Variants in SLC5A10 observed in about 807,000 individuals in gnomAD.
The protein encoded by SLC5A10 is solute carrier family 5 member 10.
In SLC5A10, 55 loss-of-function variants were observed where a neutral mutation model predicts 68.9. That is an observed-to-expected ratio of 0.80 (90% CI 0.64 to 1.00). The LOEUF is 1.00. Ranked by LOEUF, SLC5A10 falls within the 50% of genes least tolerant of loss-of-function variation. SLC5A10 has a pLI of 0.00. For missense variants in SLC5A10, 732 were observed against 819.3 expected, an observed-to-expected ratio of 0.89 and a Z score of 1.30; for synonymous variants, 344 against 344.8, an observed-to-expected ratio of 1.00 and a Z score of 0.02.
intron 9 of SLC5A10, among the ~76,000 whole-genome samples, chr17:18,991,579 G>C (rs891377016): frequency 6.6e-6 from 1 of 152,190 alleles, no homozygotes; most frequent in African/African-American, 2.4e-5. Context: ...GGCAGGAGGC[G>C]GGTGGCCTGG....
intron 9 of SLC5A10, chr17:18,979,510 G>C: frequency 1.2e-6 from 2 of 1,608,394 alleles, no homozygotes; most frequent in East Asian, 4.5e-5. Flanking sequence ...GGAGCCAGAG[G>C]TACCTCTCGC....
intron 5 of SLC5A10, among the ~76,000 whole-genome samples, chr17:18,965,341 G>C (rs994385641): frequency 1.2e-4 from 19 of 152,144 alleles, no homozygotes; most frequent in Non-Finnish European, 2.4e-4. Context: ...CAGGGGCAGA[G>C]GACACCAAAA....
intron 9 of SLC5A10, among the ~76,000 whole-genome samples, chr17:18,982,454 C>T (rs1457314163): frequency 1.3e-5 from 2 of 152,206 alleles, no homozygotes; most frequent in East Asian, 1.9e-4. Flanking sequence ...GGGACACCCC[C>T]GGCACAGGAC....
chr17:19,012,155 A>G lies in SLC5A10; in HGVS notation c.983-1255A>G, dbSNP rs138276289. ...AGCTTTCTAGAAAGTCTTTTATGGG[A>G]GGAAAAAGAGAATGTGGGTCAACTC... On this transcript the variant is annotated intron_variant, in intron 9 of 14. Coordinates refer to ENST00000395645, the MANE Select transcript of SLC5A10 (RefSeq NM_001042450.4). Among the ~76,000 whole-genome samples, 606 of 152,200 alleles carry G rather than the reference A, an allele frequency of 4.0e-3. 6 individuals are homozygous for G. Among genetic ancestry groups the G allele is most frequent in the South Asian group, 0.022 (108 of 4,830 alleles).
At chr17:18,978,296 G>T in intron 9 of SLC5A10, 1 of 1,611,266 alleles carries the variant, frequency 6.2e-7, no homozygotes, top group Non-Finnish European at 8.5e-7. Flanking sequence ...CTGGTGCTGG[G>T]CGCTGGCCTG....
At position 18,960,649 on chromosome 17, in the gene SLC5A10, A is replaced by G. The variant is rs756115651; in HGVS notation, c.450A>G (p.Ile150Met). ...TGCTACTGTCTGTCTTCACCAAGAT[A>G]TCGGTGAGCTGCCCCCGGCTCCCTG... ...LSLLLSVFTK[I>M]SLDLYAGALF... Residue 150 changes from isoleucine (I) to methionine (M), a missense_variant, in exon 5 of 15, where the codon ATA (isoleucine) becomes ATG (methionine). By Grantham distance (10) the Ile-to-Met change is conservative. Coordinates refer to ENST00000395645, the MANE Select transcript of SLC5A10 (RefSeq NM_001042450.4). 3 of 1,613,640 alleles carry G rather than the reference A, an allele frequency of 1.9e-6. No homozygotes were observed. The highest frequency in any genetic ancestry group is 2.2e-5 in the South Asian group (2 of 91,078).
At chr17:18,957,756 G>A (rs1000869034) in intron 1 of SLC5A10, among the ~76,000 whole-genome samples, 4 of 151,908 alleles carry the variant, frequency 2.6e-5, no homozygotes, top group African/African-American at 9.7e-5. Flanking sequence ...GAGCCACCGC[G>A]CCAGCCCATT....
chr17:18,953,324 G>A (rs901282122), intron 1 of SLC5A10, among the ~76,000 whole-genome samples: 5 of 151,964 alleles, frequency 3.3e-5, no homozygotes, highest in Admixed American at 6.6e-5. Flanking sequence ...AGTAGAGACA[G>A]AGTTTTACCG....
intron 5 of SLC5A10, among the ~76,000 whole-genome samples, chr17:18,967,838 G>A (rs1212866414): frequency 1.3e-5 from 2 of 152,062 alleles, no homozygotes; most frequent in African/African-American, 2.4e-5. Context: ...CAGCACCTCT[G>A]CGCTTCTCTA....
chr17:18,971,681 G>C lies in SLC5A10; in HGVS notation c.846+463G>C. 1 of 1,609,404 alleles carries C rather than the reference G, an allele frequency of 6.2e-7. No individual in the cohort carries two copies. The highest frequency in any genetic ancestry group is 8.5e-7 in the Non-Finnish European group (1 of 1,177,034). On this transcript the variant is annotated intron_variant, in intron 8 of 14. Coordinates refer to ENST00000395645, the MANE Select transcript of SLC5A10 (RefSeq NM_001042450.4). This position sits in a 1 kb window ranked among gnomAD's most constrained non-coding sequence, Gnocchi z 5.5. ...GTCAGCAGCAGAGCGGTACCTAGGG[G>C]GTCCTGGGAAGCCGTCTTTATCCCT...
chr17:19,015,191 G>A lies in SLC5A10; in HGVS notation c.1233G>A (p.Leu411=). The stretch of plus-strand genomic sequence containing the variant: ...GCTCCGGCGAGCGGGAGCTCCTGCT[G>A]GTGGGACGGTACGGGGGTGGGGGCC... ...RPRSGERELL[L]VGRLVIVALI... The change falls in exon 11 of 15, where the codon CTG becomes CTA. Residue 411 remains leucine, a synonymous_variant. Coordinates refer to ENST00000395645, the MANE Select transcript of SLC5A10 (RefSeq NM_001042450.4). The A allele has an allele frequency of 6.5e-7, 1 of 1,545,174 alleles. No individual in the cohort carries two copies. Among genetic ancestry groups the A allele is most frequent in the Non-Finnish European group, 8.8e-7 (1 of 1,136,262 alleles).
In SLC5A10 at chr17:18,968,973, C is replaced by G; in HGVS notation, c.454-79C>G. On this transcript the variant is annotated intron_variant, in intron 5 of 14. Transcript: ENST00000395645. The surrounding 1 kb of genome is among the most constrained non-coding windows in gnomAD (Gnocchi z 4.1). ...CAGGCCACCGAGGCCCAGAGAGGGC[C>G]TTGCCCGAGGTCACCCAGGGAGTGG... 1 of 1,443,992 alleles carries G rather than the reference C, an allele frequency of 6.9e-7. No individual in the cohort carries two copies. Among genetic ancestry groups the G allele is most frequent in the Non-Finnish European group, 9.4e-7 (1 of 1,067,636 alleles). 89.4% of individuals were successfully genotyped at this position (1,443,992 alleles called of 1,614,324 possible).
At position 19,003,750 on chromosome 17, in the gene SLC5A10, C is replaced by T. The variant is rs373016339; in HGVS notation, c.983-9660C>T. On this transcript the variant is annotated intron_variant, in intron 9 of 14. Coordinates refer to ENST00000395645, the MANE Select transcript of SLC5A10 (RefSeq NM_001042450.4). The surrounding 1 kb of genome is among the most constrained non-coding windows in gnomAD (Gnocchi z 4.5). ...CCATCCGCCCCGCTGGCTTCCTCGC[C>T]GTCGCCGACCCCATTGTCCTCGGGC... 2.4e-5 allele frequency: 39 copies of T among 1,605,472 alleles called. No individual in the cohort carries two copies. The South Asian group carries it at 4.2e-4, about 17-fold the overall frequency.
At chr17:18,981,057 T>C (rs1346662934) in intron 9 of SLC5A10, among the ~76,000 whole-genome samples, 1 of 152,168 alleles carries the variant, frequency 6.6e-6, no homozygotes, top group African/African-American at 2.4e-5. Context: ...CTCATTCACA[T>C]AGTCATCAAC....
intron 11 of SLC5A10, among the ~76,000 whole-genome samples, chr17:19,015,723 T>C (rs572327920): frequency 6.0e-4 from 91 of 152,248 alleles, no homozygotes; most frequent in African/African-American, 2.1e-3. Context: ...CGTGCAGTCC[T>C]CCCTGAGACC....
intron 1 of SLC5A10, among the ~76,000 whole-genome samples, chr17:18,956,463 C>CTTTTTTTTTTTTTTTTTTTTTTTT (rs2042503517): frequency 8.4e-6 from 1 of 119,158 alleles, no homozygotes; most frequent in Non-Finnish European, 1.7e-5. Flanking sequence ...TTTTTTCTTT[C>CTTTTTTTTTTTTTTTTTTTTTTTT]TGTTTTTTTT....
intron 9 of SLC5A10, among the ~76,000 whole-genome samples, chr17:18,982,842 CA>C (rs566985692): frequency 2.2e-3 from 338 of 152,358 alleles, no homozygotes; most frequent in Middle Eastern, 6.8e-3. Flanking sequence ...CCAATCCTAG[CA>C]CCAAATGGAC....
rs562169516 is a variant in SLC5A10 at position 19,012,781 on chromosome 17, G to A, written c.983-629G>A. ...TCTCTGCAGCAGGAAATAGCCTGGC[G>A]TAAAGCTTGGACCCCAGGGTTGGAG... On this transcript the variant is annotated intron_variant, in intron 9 of 14. Coordinates refer to ENST00000395645, the MANE Select transcript of SLC5A10 (RefSeq NM_001042450.4). Among the ~76,000 whole-genome samples, 22 of 152,336 alleles carry A rather than the reference G, an allele frequency of 1.4e-4. No individual in the cohort carries two copies. In the East Asian group the frequency reaches 3.5e-3, roughly 24 times the overall value.
chr17:18,969,367 G>A lies in SLC5A10; in HGVS notation c.585G>A (p.Thr195=), dbSNP rs80176664. The change falls in exon 7 of 15, where the codon ACG becomes ACA. Residue 195 remains threonine, a synonymous_variant. Coordinates refer to ENST00000395645, the MANE Select transcript of SLC5A10 (RefSeq NM_001042450.4). The stretch of plus-strand genomic sequence containing the variant: ...GGGGCCTGGCTGCTGTAATCTACAC[G>A]GACGCCCTGCAGACGCTCATCATGG... ...IAGGLAAVIY[T]DALQTLIMVV... is the part of the protein sequence containing the mutation. The A allele has an allele frequency of 2.8e-4, 445 of 1,613,658 alleles. No homozygotes were observed. In the African/African-American group the frequency reaches 4.3e-3, roughly 16 times the overall value.
Sources: allele counts gnomAD v4.1 joint callset (sites outside exome capture counted in the v4.1 genomes callset), GRCh38; gene constraint gnomAD v4.1.1; non-coding constraint Gnocchi (gnomAD v3.1); transcripts MANE v1.5; gene names NCBI Gene and HGNC (gene_info 2026-07-23, HGNC 2026-07-21).